Variants in CNTNAP2 observed in about 807,000 individuals in gnomAD.
CNTNAP2 encodes the protein contactin-associated protein-like 2.
Under a neutral mutation model 155.2 loss-of-function variants are expected in CNTNAP2, and 98 were observed. The observed-to-expected ratio is 0.63, with a 90% CI of 0.54 to 0.75. The LOEUF (loss-of-function observed/expected upper bound fraction) is 0.75. Ranked by LOEUF, CNTNAP2 falls within the 30% of genes least tolerant of loss-of-function variation. The pLI is 0.00. For missense variants in CNTNAP2, 1,727 were observed against 1,688.1 expected, an observed-to-expected ratio of 1.02 and a Z score of -0.40; for synonymous variants, 651 against 631.2, an observed-to-expected ratio of 1.03 and a Z score of -0.47.
intron 20 of CNTNAP2, among the ~76,000 whole-genome samples, chr7:148,249,951 C>T (rs566901642): frequency 6.6e-6 from 1 of 152,220 alleles, no homozygotes; most frequent in Non-Finnish European, 1.5e-5. Context: ...ATCACTACCC[C>T]ATCTGTTTAA....
intron 13 of CNTNAP2, among the ~76,000 whole-genome samples, chr7:147,798,110 A>G (rs1222520290): frequency 6.6e-6 from 1 of 152,216 alleles, no homozygotes; most frequent in Non-Finnish European, 1.5e-5. Flanking sequence ...AGAAAATATT[A>G]ACCATACTTC....
intron 8 of CNTNAP2, among the ~76,000 whole-genome samples, chr7:147,276,304 A>T (rs1174086224): frequency 6.6e-6 from 1 of 151,908 alleles, no homozygotes; most frequent in East Asian, 1.9e-4. Context: ...CTGTGAGTCC[A>T]TCTGGTCCTG....
chr7:147,601,468 T>G (rs1800942238), intron 12 of CNTNAP2, among the ~76,000 whole-genome samples: 1 of 151,956 alleles, frequency 6.6e-6, no homozygotes, highest in African/African-American at 2.4e-5. Context: ...CAAGGTAATG[T>G]CATCAGTTAA....
At chr7:148,268,037 G>A (rs1300647142) in intron 21 of CNTNAP2, among the ~76,000 whole-genome samples, 6 of 152,180 alleles carry the variant, frequency 3.9e-5, no homozygotes, top group Non-Finnish European at 8.8e-5. Context: ...TTCACCAGAG[G>A]AGATTAGCAC....
intron 1 of CNTNAP2, among the ~76,000 whole-genome samples, chr7:146,159,151 G>C (rs979032130): frequency 6.6e-6 from 1 of 152,164 alleles, no homozygotes; most frequent in Non-Finnish European, 1.5e-5. Context: ...AGCTTCATAA[G>C]TGAAGGAGAA....
intron 13 of CNTNAP2, among the ~76,000 whole-genome samples, chr7:147,711,170 A>G (rs1489650406): frequency 6.6e-6 from 1 of 152,190 alleles, no homozygotes; most frequent in Non-Finnish European, 1.5e-5. Context: ...ATAGTAACCT[A>G]ACTTACAATT....
intron 10 of CNTNAP2, among the ~76,000 whole-genome samples, chr7:147,466,133 C>G (rs6947428): frequency 0.8 from 121,591 of 152,168 alleles, 49,215 homozygotes; most frequent in African/African-American, 0.94. Flanking sequence ...TTAATGTCTA[C>G]GTTCAACCAA....
At chr7:147,879,681 T>G (rs1050117315) in intron 13 of CNTNAP2, among the ~76,000 whole-genome samples, 1 of 152,204 alleles carries the variant, frequency 6.6e-6, no homozygotes, top group Non-Finnish European at 1.5e-5. Flanking sequence ...CACATCTGCA[T>G]GAAATTGTGT....
intron 1 of CNTNAP2, among the ~76,000 whole-genome samples, chr7:146,418,877 T>G (rs2129113034): frequency 6.6e-6 from 1 of 152,152 alleles, no homozygotes; most frequent in Admixed American, 6.6e-5. Flanking sequence ...AGGGACAAGA[T>G]GGCCATCTAC....
At chr7:148,212,264 T>A (rs1013888617) in intron 18 of CNTNAP2, among the ~76,000 whole-genome samples, 29 of 152,254 alleles carry the variant, frequency 1.9e-4, no homozygotes, top group African/African-American at 6.7e-4. Flanking sequence ...GCAAACTTCT[T>A]TTCCTCAATC....
At chr7:148,123,619 C>CAAGGAAGGGAGAGCAGG (rs1335688060) in intron 16 of CNTNAP2, among the ~76,000 whole-genome samples, 4 of 114,922 alleles carry the variant, frequency 3.5e-5, no homozygotes, top group African/African-American at 1.4e-4. Flanking sequence ...GGAAGGGAGA[C>CAAGGAAGGGAGAGCAGG]AAGGAAGGGA....
chr7:147,049,716 C>T (rs1376179643), intron 4 of CNTNAP2, among the ~76,000 whole-genome samples: 1 of 152,120 alleles, frequency 6.6e-6, no homozygotes, highest in East Asian at 1.9e-4. Context: ...TATCTTAAAC[C>T]TGCAAGAGAG....
chr7:146,174,121 C>T (rs555628407), intron 1 of CNTNAP2, among the ~76,000 whole-genome samples: 11 of 151,424 alleles, frequency 7.3e-5, no homozygotes, highest in African/African-American at 2.7e-4. Context: ...AGGAGGATTG[C>T]GTTGAGCCCA....
intron 13 of CNTNAP2, among the ~76,000 whole-genome samples, chr7:147,776,808 T>C (rs2116548212): frequency 6.6e-6 from 1 of 152,130 alleles, no homozygotes; most frequent in Non-Finnish European, 1.5e-5. Flanking sequence ...TTCTTGGTGG[T>C]TTCTTCTTTA....
intron 11 of CNTNAP2, among the ~76,000 whole-genome samples, chr7:147,553,306 G>A (rs1183818578): frequency 6.6e-6 from 1 of 152,148 alleles, no homozygotes; most frequent in Non-Finnish European, 1.5e-5. Flanking sequence ...GAGGTAAATG[G>A]AGAAAACCAT....
chr7:146,904,717 C>T (rs747950913), intron 3 of CNTNAP2, among the ~76,000 whole-genome samples: 4 of 152,132 alleles, frequency 2.6e-5, no homozygotes, highest in African/African-American at 4.8e-5. Flanking sequence ...GTGATCCGCC[C>T]ACCTCGGCCT....
At chr7:147,366,309 A>G (rs904499170) in intron 9 of CNTNAP2, among the ~76,000 whole-genome samples, 6 of 152,034 alleles carry the variant, frequency 3.9e-5, no homozygotes, top group Admixed American at 2.0e-4. Flanking sequence ...ATCTGTCTCA[A>G]TGGAGATTTG....
chr7:146,956,647 A>G (rs2129229311), intron 3 of CNTNAP2, among the ~76,000 whole-genome samples: 1 of 152,268 alleles, frequency 6.6e-6, no homozygotes, highest in East Asian at 1.9e-4. Flanking sequence ...ACTCAGGACA[A>G]TTTCCAGCAC....
At chr7:147,824,638 T>C (rs988694145) in intron 13 of CNTNAP2, among the ~76,000 whole-genome samples, 2 of 152,034 alleles carry the variant, frequency 1.3e-5, no homozygotes, top group East Asian at 3.9e-4. Context: ...TTCAGTTTGG[T>C]CCTCCCTGGT....
Sources: allele counts gnomAD v4.1 joint callset (sites outside exome capture counted in the v4.1 genomes callset), GRCh38; gene constraint gnomAD v4.1.1; transcripts MANE v1.5; gene names NCBI Gene and HGNC (gene_info 2026-07-23, HGNC 2026-07-21).